The following OVCH2 variants were observed in gnomAD, a reference collection of about 807,000 sequenced individuals.
The protein encoded by OVCH2 is ovochymase 2, also known as ovochymase-2.
A neutral mutation model predicts 73.7 loss-of-function variants in OVCH2; 88 were observed. The observed-to-expected ratio is 1.19, with a 90% CI of 1.01 to 1.43. The LOEUF (loss-of-function observed/expected upper bound fraction) is 1.43, where lower values mean the gene tolerates loss of function less well. Among genes scored for constraint, OVCH2 ranks in the 40% most tolerant of loss-of-function variants. The pLI, the probability that OVCH2 is intolerant of heterozygous loss-of-function variation, is 0.00. For synonymous variants in OVCH2, 265 were observed against 234.5 expected (o/e 1.13, Z -1.19); for missense variants, 706 against 674.5 (o/e 1.05, Z -0.52).
intron 12 of OVCH2, 125 bp downstream of exon 12, chr11:7,694,933 T>C (rs1589874940): frequency 1.8e-6 from 2 of 1,098,506 alleles, no homozygotes; most frequent in Admixed American, 3.3e-5. Context: ...GTGTGTCAGG[T>C]GCTGGGTTCT....
chr11:7,705,348 A>G (rs1393516263), intron 1 of OVCH2: 1 of 152,206 alleles, frequency 6.6e-6, no homozygotes, highest in African/African-American at 2.4e-5. Context: ...TCATCGGACT[A>G]TGAACTACTC....
At chr11:7,696,636 C>T (rs187970201) in intron 9 of OVCH2, 47 bp from the exon 10 acceptor site, 59 of 1,613,920 alleles carry the variant, frequency 3.7e-5, no homozygotes, top group Non-Finnish European at 4.6e-5. Flanking sequence ...CAGAAAACGA[C>T]TATCACAGTC....
At chr11:7,687,786 T>C (rs1353942681), downstream of OVCH2, among the ~76,000 whole-genome samples, 1 of 152,136 alleles carries the variant, frequency 6.6e-6, no homozygotes. Context: ...CACAAAGTTC[T>C]GGAGACTGCC....
intron 3 of OVCH2, among the ~76,000 whole-genome samples, chr11:7,703,415 C>G (rs553428710): frequency 2.0e-5 from 3 of 152,284 alleles, no homozygotes; most frequent in African/African-American, 7.2e-5. Context: ...TTTCACAAAT[C>G]CTTCTTTGTA....
the OVCH2 span, among the ~76,000 whole-genome samples, chr11:7,683,751 T>C: frequency 7.9e-5 from 12 of 152,304 alleles, no homozygotes; most frequent in East Asian, 2.3e-3. Flanking sequence ...GGCTTTCGTA[T>C]ATATCAGGCA....
intron 1 of OVCH2, 75 bp from the exon 2 acceptor site, chr11:7,704,749 A>G: frequency 1.0e-6 from 1 of 975,134 alleles, no homozygotes; most frequent in East Asian, 2.6e-5. Context: ...CATTTCACCC[A>G]TGAAACTGAG....
In OVCH2 at chr11:7,702,295, C is replaced by T. The variant is rs774500559; in HGVS notation, c.325G>A (p.Glu109Lys). The change falls in exon 4 of 16, where the codon GAG becomes AAG. Residue 109 changes from glutamate (E) to lysine (K), a missense_variant. Physicochemically the swap from Glu to Lys is moderately conservative, Grantham distance 56. Coordinates refer to ENST00000533663, the MANE Select transcript of OVCH2 (RefSeq NM_198185.7). ...IVSTLNVTAG[E>K]YDLSQTDPGE... Reference sequence around the variant, plus strand: ...GGGTCTGTCTGGCTTAAGTCATACTCTCCAGCAGTAACATTCAAAGTAGAC... The same window carrying T: ...GGGTCTGTCTGGCTTAAGTCATACTTTCCAGCAGTAACATTCAAAGTAGAC... 1.9e-6 allele frequency: 3 copies of T among 1,602,828 alleles called. No homozygotes were observed. In the South Asian group the frequency reaches 3.4e-5, roughly 18 times the overall value.
the OVCH2 span, among the ~76,000 whole-genome samples, chr11:7,684,183 T>G: frequency 6.6e-6 from 1 of 152,104 alleles, no homozygotes; most frequent in Non-Finnish European, 1.5e-5. Flanking sequence ...ATGCCTGACC[T>G]TTCTTGACCA....
intron 14 of OVCH2, 25 bp from the exon 15 acceptor site, chr11:7,690,038 C>T (rs1403183196): frequency 8.4e-6 from 12 of 1,429,572 alleles, no homozygotes; most frequent in Non-Finnish European, 1.1e-5. Context: ...GATACAATTA[C>T]TCAGTTTCCA....
chr11:7,688,836 C>T (rs1856170998), downstream of OVCH2, among the ~76,000 whole-genome samples: 1 of 152,162 alleles, frequency 6.6e-6, no homozygotes, highest in South Asian at 2.1e-4. Flanking sequence ...CTTCTCAATG[C>T]TCATTGGCAC....
chr11:7,702,365 T>C (rs780598850), intron 3 of OVCH2, 36 bp from the exon 4 acceptor site: 14 of 1,511,500 alleles, frequency 9.3e-6, no homozygotes, highest in African/African-American at 1.4e-5. Flanking sequence ...ATGAATTTCA[T>C]TGTGCCTCTG....
chr11:7,697,324 G>T (rs551784161), intron 8 of OVCH2, among the ~76,000 whole-genome samples: 4 of 152,314 alleles, frequency 2.6e-5, no homozygotes, highest in Admixed American at 2.0e-4. Context: ...TTACAGGCGT[G>T]AGCCACCTCT....
intron 1 of OVCH2, 119 bp from the exon 2 acceptor site, chr11:7,704,793 T>C (rs763962066): frequency 2.1e-5 from 13 of 630,174 alleles, no homozygotes; most frequent in Non-Finnish European, 3.6e-5. Context: ...TCAGCACACA[T>C]TCAGATATCA....
chr11:7,692,953 C>T (rs1363948682), intron 12 of OVCH2, among the ~76,000 whole-genome samples: 1 of 152,174 alleles, frequency 6.6e-6, no homozygotes, highest in African/African-American at 2.4e-5. Flanking sequence ...TATCTTTAGG[C>T]ATTTACTTTT....
the OVCH2 span, among the ~76,000 whole-genome samples, chr11:7,683,420 C>T: frequency 4.6e-5 from 7 of 152,244 alleles, no homozygotes; most frequent in East Asian, 3.9e-4. Context: ...CTTGAAAATA[C>T]GTCCAGAATC....
chr11:7,685,952 G>T (rs1856137886), downstream of OVCH2, among the ~76,000 whole-genome samples: 1 of 152,070 alleles, frequency 6.6e-6, no homozygotes, highest in Admixed American at 6.6e-5. Context: ...AGATCCAAAG[G>T]CCAGGTTGTC....
In OVCH2 at chr11:7,703,903, G is replaced by T. The variant is rs1856488988; in HGVS notation, c.199-114C>A. 5.9e-6 allele frequency: 5 copies of T among 849,966 alleles called. 1 individual carries two copies. In the South Asian group the frequency reaches 7.5e-5, roughly 13 times the overall value. The allele number at this position is 849,966 out of a possible 1,614,324, so 52.7% of individuals were successfully genotyped here. A position where few individuals can be genotyped will look rare whatever the true frequency, so the allele number is the denominator to read the frequency against. Reference sequence around the variant, plus strand: ...CAGATATCACACTCGTAAATGTCAAGAATCGTGGACTGTGAAAAGATAAAG... The same window carrying T: ...CAGATATCACACTCGTAAATGTCAATAATCGTGGACTGTGAAAAGATAAAG... On this transcript the variant is annotated intron_variant, in intron 2 of 15. Coordinates refer to ENST00000533663, the MANE Select transcript of OVCH2 (RefSeq NM_198185.7).
At chr11:7,681,527 G>A in the OVCH2 span, among the ~76,000 whole-genome samples, 2 of 152,276 alleles carry the variant, frequency 1.3e-5, no homozygotes, top group South Asian at 2.1e-4. Flanking sequence ...CAACAGAACC[G>A]CTTGCAGGGT....
At chr11:7,690,484 C>G (rs763960714) in intron 14 of OVCH2, among the ~76,000 whole-genome samples, 48 of 133,010 alleles carry the variant, frequency 3.6e-4, no homozygotes, top group Non-Finnish European at 6.5e-4. Flanking sequence ...TGAGGTGACT[C>G]TTAAGATTAC....
Sources: allele counts gnomAD v4.1 joint callset (sites outside exome capture counted in the v4.1 genomes callset), GRCh38; gene constraint gnomAD v4.1.1; transcripts MANE v1.5; gene names NCBI Gene and HGNC (gene_info 2026-07-23, HGNC 2026-07-21).